The following GRIK1 variants were observed in gnomAD, a reference collection of about 807,000 sequenced individuals.
GRIK1 encodes glutamate receptor ionotropic, kainate 1.
GRIK1 carries 69 observed loss-of-function variants against 105.7 expected under a neutral mutation model. That is an observed-to-expected ratio of 0.65 (90% CI 0.54 to 0.80). The LOEUF is 0.80. Ranked by LOEUF, GRIK1 falls within the 30% of genes least tolerant of loss-of-function variation. GRIK1 has a pLI of 0.00. For synonymous variants in GRIK1, 438 were observed against 431.3 expected (o/e 1.02, Z -0.19); for missense variants, 1,109 against 1,167.3 (o/e 0.95, Z 0.73).
chr21:29,666,934 T>A (rs564949540), intron 4 of GRIK1, among the ~76,000 whole-genome samples: 7 of 152,172 alleles, frequency 4.6e-5, no homozygotes, highest in Non-Finnish European at 1.0e-4. Flanking sequence ...TTTGTGACCT[T>A]GGGCAAGTTA....
intron 1 of GRIK1, among the ~76,000 whole-genome samples, chr21:29,740,320 C>T (rs9978848): frequency 0.056 from 8,439 of 151,788 alleles, 585 homozygotes; most frequent in East Asian, 0.17. Flanking sequence ...AGGGTTCAAG[C>T]GATTCTTCTG....
At chr21:29,628,723 T>C (rs1020183610) in intron 7 of GRIK1, among the ~76,000 whole-genome samples, 1 of 152,180 alleles carries the variant, frequency 6.6e-6, no homozygotes, top group African/African-American at 2.4e-5. Flanking sequence ...GGAATGGGGC[T>C]CTTGTCTAAT....
intron 4 of GRIK1, among the ~76,000 whole-genome samples, chr21:29,668,245 A>G (rs1350159501): frequency 2.6e-5 from 4 of 152,246 alleles, no homozygotes; most frequent in African/African-American, 9.6e-5. Flanking sequence ...TATGGACAAC[A>G]CATGAGTAAA....
In GRIK1 at chr21:29,563,179, C is replaced by A. The variant is rs115112016; in HGVS notation, c.2131-1330G>T. On this transcript the variant is annotated intron_variant, in intron 14 of 17. Coordinates refer to ENST00000327783, the MANE Select transcript of GRIK1 (RefSeq NM_001330994.2). ...TGGCAGGCACAGGATGCACCATCTC[C>A]GTAGTTCAGGAAAGCTTAAAACATG... is the stretch of plus-strand genomic sequence containing the variant. 8.6e-3 allele frequency among the ~76,000 whole-genome samples: 1,305 copies of A among 152,214 alleles called. 21 individuals carry two copies. The highest frequency in any genetic ancestry group is 0.029 in the African/African-American group (1,223 of 41,518).
chr21:29,630,513 G>A, intron 7 of GRIK1: 1 of 471,622 alleles, frequency 2.1e-6, no homozygotes, highest in South Asian at 1.5e-5. Context: ...TTAGAAAACA[G>A]AGATTTGCTC....
intron 1 of GRIK1, among the ~76,000 whole-genome samples, chr21:29,702,698 G>A (rs1029254282): frequency 6.6e-6 from 1 of 152,136 alleles, no homozygotes; most frequent in Non-Finnish European, 1.5e-5. Flanking sequence ...GTGACAGAAT[G>A]AGACTCCATC....
intron 3 of GRIK1, among the ~76,000 whole-genome samples, chr21:29,678,602 A>ATC (rs1323864806): frequency 6.6e-6 from 1 of 152,168 alleles, no homozygotes; most frequent in Non-Finnish European, 1.5e-5. Context: ...TGGTCAAAGA[A>ATC]CCGAGGTGGG....
At chr21:29,818,399 C>A (rs1056467531) in intron 1 of GRIK1, among the ~76,000 whole-genome samples, 22 of 152,098 alleles carry the variant, frequency 1.4e-4, no homozygotes, top group Non-Finnish European at 7.4e-5. Context: ...AGATTCTTAG[C>A]CCTGTCTCCA....
intron 1 of GRIK1, among the ~76,000 whole-genome samples, chr21:29,716,198 A>T (rs2064172961): frequency 6.6e-6 from 1 of 152,194 alleles, no homozygotes; most frequent in Admixed American, 6.5e-5. Context: ...TGAGTCAATT[A>T]AACCTCTTTT....
intron 14 of GRIK1, among the ~76,000 whole-genome samples, chr21:29,563,063 A>G (rs1047574508): frequency 1.3e-5 from 2 of 151,836 alleles, no homozygotes; most frequent in Non-Finnish European, 2.9e-5. Flanking sequence ...TATTTCAGAG[A>G]TGAAAAACAT....
chr21:29,621,779 T>C (rs563835973), intron 7 of GRIK1, among the ~76,000 whole-genome samples: 2 of 152,252 alleles, frequency 1.3e-5, no homozygotes, highest in South Asian at 4.1e-4. Flanking sequence ...ATCAGTAAAA[T>C]ATAGTGCCCC....
intron 1 of GRIK1, among the ~76,000 whole-genome samples, chr21:29,868,310 C>A (rs933600331): frequency 6.6e-6 from 1 of 152,140 alleles, no homozygotes; most frequent in Non-Finnish European, 1.5e-5. Context: ...GACATATTTA[C>A]TTTTTGTTTT....
intron 1 of GRIK1, among the ~76,000 whole-genome samples, chr21:29,715,892 T>C (rs1004533188): frequency 1.3e-5 from 2 of 152,062 alleles, no homozygotes; most frequent in Non-Finnish European, 2.9e-5. Flanking sequence ...ACAAGATAGA[T>C]GTTGATATGG....
chr21:29,651,665 C>T lies in GRIK1; in HGVS notation c.781-374G>A, dbSNP rs1359409076. Among the ~76,000 whole-genome samples the T allele has an allele frequency of 2.0e-5, 3 of 152,124 alleles. No individual in the cohort carries two copies. In the East Asian group the frequency reaches 5.8e-4, roughly 29 times the overall value. The stretch of plus-strand genomic sequence containing the variant: ...GGTAGAGTATCGTGGTATGGAAGTG[C>T]TTTGTTAAGTCACCCTTATACTTCA... On this transcript the variant is annotated intron_variant, in intron 5 of 17. Transcript: ENST00000327783.
chr21:29,697,120 T>C (rs965395289), intron 1 of GRIK1, among the ~76,000 whole-genome samples: 3 of 152,234 alleles, frequency 2.0e-5, no homozygotes, highest in African/African-American at 7.2e-5. Flanking sequence ...GTAAATGTTT[T>C]CATTTCATCA....
chr21:29,801,242 G>C (rs1328057202), intron 1 of GRIK1, among the ~76,000 whole-genome samples: 2 of 150,598 alleles, frequency 1.3e-5, no homozygotes, highest in African/African-American at 4.9e-5. Flanking sequence ...CTATTAGGTG[G>C]GTACAAAAGT....
intron 1 of GRIK1, among the ~76,000 whole-genome samples, chr21:29,774,674 T>G (rs1376095583): frequency 6.6e-6 from 1 of 151,948 alleles, no homozygotes; most frequent in East Asian, 1.9e-4. Flanking sequence ...CTGGTCTCAA[T>G]CTCCTGACCT....
At chr21:29,537,719 C>T (rs1002397649) in intron 17 of GRIK1, 79 bp downstream of exon 17, 2 of 809,832 alleles carry the variant, frequency 2.5e-6, no homozygotes, top group Non-Finnish European at 4.4e-6. Context: ...AGTCATTTCC[C>T]CCACTGAGAT....
rs534052204 is a variant in GRIK1 at position 29,577,039 on chromosome 21, C to T, written c.2055G>A (p.Ser685=). The change falls in exon 14 of 18, where the codon TCG becomes TCA. Residue 685 remains serine (S), a synonymous_variant. Coordinates refer to ENST00000327783, the MANE Select transcript of GRIK1 (RefSeq NM_001330994.2). ...TGGTTTGCTTTGCCAGATCATCTGC[C>T]GAATCTATGGGGGATTCCATTCTCT... ...TVERMESPID[S]ADDLAKQTKI... 1.5e-5 allele frequency: 25 copies of T among 1,613,616 alleles called. No individual in the cohort carries two copies. Among genetic ancestry groups the T allele is most frequent in the South Asian group, 1.4e-4 (13 of 91,066 alleles).
Sources: allele counts gnomAD v4.1 joint callset (sites outside exome capture counted in the v4.1 genomes callset), GRCh38; gene constraint gnomAD v4.1.1; transcripts MANE v1.5; gene names NCBI Gene and HGNC (gene_info 2026-07-23, HGNC 2026-07-21).